The following LOXL3 variants were observed in gnomAD, a reference collection of about 807,000 sequenced individuals.
LOXL3 encodes lysyl oxidase homolog 3.
A neutral mutation model predicts 91.8 loss-of-function variants in LOXL3; 60 were observed. That is an observed-to-expected ratio of 0.65 (90% CI 0.53 to 0.81). The LOEUF is 0.81. Among genes scored for constraint, LOXL3 ranks in the 30% least tolerant of loss-of-function variants. The probability of loss-of-function intolerance (pLI) is 0.00; values close to 1 mark genes in which losing one functional copy is unlikely to be tolerated. For synonymous variants in LOXL3, 355 were observed against 387.6 expected (o/e 0.92, Z 0.99); for missense variants, 874 against 1,000.4 (o/e 0.87, Z 1.70).
At chr2:74,545,391 T>C (rs912291704) in intron 4 of LOXL3, among the ~76,000 whole-genome samples, 6 of 152,238 alleles carry the variant, frequency 3.9e-5, no homozygotes, top group African/African-American at 1.4e-4. Context: ...TATAAATACC[T>C]TTATTTGTAA....
chr2:74,544,122 G>A (rs1056204256), intron 4 of LOXL3, among the ~76,000 whole-genome samples: 1 of 151,906 alleles, frequency 6.6e-6, no homozygotes, highest in Non-Finnish European at 1.5e-5. Context: ...TGGCGAGCAT[G>A]GTGAAACCTC....
chr2:74,532,442 A>T lies in LOXL3; in HGVS notation c.*1164T>A, dbSNP rs548291848. 441 of 661,360 alleles carry T rather than the reference A, an allele frequency of 6.7e-4. No individual in the cohort carries two copies. The highest frequency in any genetic ancestry group is 1.1e-3 in the Non-Finnish European group (410 of 359,700). The allele number at this position is 661,360 out of a possible 1,614,324, so 41.0% of individuals were successfully genotyped here. Reference sequence around the variant, plus strand: ...TGCCCTCATGTGGTGTACATCTTTTATGTACATGTTGCACTTTATTGCTAG... The same window carrying T: ...TGCCCTCATGTGGTGTACATCTTTTTTGTACATGTTGCACTTTATTGCTAG... On this transcript the variant is annotated 3_prime_UTR_variant, in exon 14 of 14. Coordinates refer to ENST00000264094, the MANE Select transcript of LOXL3 (RefSeq NM_032603.5).
chr2:74,534,569 C>G lies in LOXL3; in HGVS notation c.1785G>C (p.Lys595Asn). The part of the protein sequence containing the change: ...HNLGRADFRP[K>N]AGRHSWVWHE... ...GCCACACCCAGGAGTGGCGCCCAGC[C>G]TTGGGCCTGAAGTCAGCTCGTCCCA... is the stretch of plus-strand genomic sequence containing the variant. The change falls in exon 10 of 14, where the codon AAG becomes AAC. Residue 595 changes from lysine (K) to asparagine (N), a missense_variant. Transcript: ENST00000264094. 6.2e-7 allele frequency: 1 copy of G among 1,614,240 alleles called. No individual in the cohort carries two copies. The highest frequency in any genetic ancestry group is 1.3e-5 in the African/African-American group (1 of 75,070).
chr2:74,533,310 G>A lies in LOXL3; in HGVS notation c.*296C>T, dbSNP rs1427573383. 1 of 530,868 alleles carries A rather than the reference G, an allele frequency of 1.9e-6. No individual in the cohort carries two copies. Among genetic ancestry groups the A allele is most frequent in the Non-Finnish European group, 3.3e-6 (1 of 298,664 alleles). 32.9% of individuals were successfully genotyped at this position (530,868 alleles called of 1,614,324 possible). A position where few individuals can be genotyped will look rare whatever the true frequency, so the allele number is the denominator to read the frequency against. On this transcript the variant is annotated 3_prime_UTR_variant, in exon 14 of 14. Transcript: ENST00000264094. ...CCTGACCTCCTATTAAAGAAAATGA[G>A]CTGCTGCCATCTTTTGTGGGCAGTT...
chr2:74,547,669 C>T (rs1313772312), intron 4 of LOXL3, among the ~76,000 whole-genome samples: 2 of 148,432 alleles, frequency 1.3e-5, no homozygotes, highest in Non-Finnish European at 3.0e-5. Context: ...AATATCCTGA[C>T]TTTCAAAAGA....
intron 2 of LOXL3, 92 bp from the exon 3 acceptor site, chr2:74,550,440 C>CAATGT: frequency 7.4e-7 from 1 of 1,344,996 alleles, no homozygotes; most frequent in South Asian, 1.4e-5. Flanking sequence ...CTGAGGCCTC[C>CAATGT]CACTTGGCCA....
At chr2:74,552,879 A>G in intron 1 of LOXL3, 1 of 509,316 alleles carries the variant, frequency 2.0e-6, no homozygotes, top group East Asian at 3.1e-5. Flanking sequence ...GAGATAAGAG[A>G]CAACTATGAG....
intron 4 of LOXL3, among the ~76,000 whole-genome samples, chr2:74,538,722 C>T (rs1305200316): frequency 6.6e-6 from 1 of 152,194 alleles, no homozygotes; most frequent in East Asian, 1.9e-4. Flanking sequence ...TTTTTAACAA[C>T]TAATCAAATA....
upstream of LOXL3, chr2:74,555,448 T>C: frequency 6.2e-7 from 1 of 1,609,338 alleles, no homozygotes; most frequent in East Asian, 2.2e-5. This position sits in a 1 kb window ranked among gnomAD's most constrained non-coding sequence, Gnocchi z 6.1. Flanking sequence ...CCGAAACGCC[T>C]TTCCGGTGAG....
At chr2:74,547,407 T>C (rs1344247030) in intron 4 of LOXL3, among the ~76,000 whole-genome samples, 1 of 152,190 alleles carries the variant, frequency 6.6e-6, no homozygotes, top group Non-Finnish European at 1.5e-5. Flanking sequence ...TCTTCTTCAC[T>C]GGAAATGTCT....
chr2:74,533,650 T>C lies in LOXL3; in HGVS notation c.2218A>G (p.Arg740Gly). The C allele has an allele frequency of 6.2e-7, 1 of 1,613,980 alleles. No homozygotes were observed. Among genetic ancestry groups the C allele is most frequent in the Non-Finnish European group, 8.5e-7 (1 of 1,179,980 alleles). ...GTCTGGCCAGGGTAGCGTTCAAACC[T>C]CCTGTTGGCCTCTTCACTGAAGGCA... is the stretch of plus-strand genomic sequence containing the variant. ...GDAFSEEANR[R>G]FERYPGQTSN... The change falls in exon 14 of 14, where the codon AGG (arginine) becomes GGG (glycine). Residue 740 changes from arginine (R) to glycine (G), a missense_variant. Coordinates refer to ENST00000264094, the MANE Select transcript of LOXL3 (RefSeq NM_032603.5).
rs745941203 is a variant in LOXL3 at position 74,536,244 on chromosome 2, G to A, written c.1093+47C>T. On this transcript the variant is annotated intron_variant, in intron 6 of 13. Coordinates refer to ENST00000264094, the MANE Select transcript of LOXL3 (RefSeq NM_032603.5). This position sits in a 1 kb window ranked among gnomAD's most constrained non-coding sequence, Gnocchi z 4.5. ...CCTTCCGAAGGAATATGCCCCCCAG[G>A]AGCATGTACCTCCTTCCCTCTCCCT... The A allele has an allele frequency of 1.2e-6, 2 of 1,612,210 alleles. No individual in the cohort carries two copies. The highest frequency in any genetic ancestry group is 2.2e-5 in the South Asian group (2 of 91,036).
chr2:74,546,419 A>G (rs985833145), intron 4 of LOXL3, among the ~76,000 whole-genome samples: 2 of 152,114 alleles, frequency 1.3e-5, no homozygotes, highest in Admixed American at 1.3e-4. Context: ...CTGGCTTCCC[A>G]TTCTTTTCCG....
chr2:74,554,240 G>T, upstream of LOXL3: 1 of 156,310 alleles, frequency 6.4e-6, no homozygotes, highest in South Asian at 1.7e-4. This position sits in a 1 kb window ranked among gnomAD's most constrained non-coding sequence, Gnocchi z 4.9. Flanking sequence ...GCCGGGCGGC[G>T]GGGCGGCCCC....
At chr2:74,554,745 G>T (rs1296926430), upstream of LOXL3, 1 of 1,611,874 alleles carries the variant, frequency 6.2e-7, no homozygotes, top group Non-Finnish European at 8.5e-7. The surrounding 1 kb of genome is among the most constrained non-coding windows in gnomAD (Gnocchi z 4.9). Context: ...GGAAGGAACC[G>T]CCGGGGGCCA....
chr2:74,543,071 C>T (rs1048514992), intron 4 of LOXL3, among the ~76,000 whole-genome samples: 3 of 152,218 alleles, frequency 2.0e-5, no homozygotes, highest in Non-Finnish European at 4.4e-5. Flanking sequence ...CTTTCCTTGG[C>T]TGCTATAACA....
upstream of LOXL3, chr2:74,554,785 T>G: frequency 3.7e-6 from 6 of 1,614,128 alleles, no homozygotes; most frequent in Non-Finnish European, 5.1e-6. This position sits in a 1 kb window ranked among gnomAD's most constrained non-coding sequence, Gnocchi z 4.9. Context: ...AGGGCCGCTT[T>G]TTTTGCAGAG....
chr2:74,535,741 C>T lies in LOXL3; in HGVS notation c.1263G>A (p.Gly421=), dbSNP rs1675979162. ...CTCGCCCCTCATGTTGGCTGCGGCC[C>T]CCACTGAGTCGGATCTGTAGTGACA... ...TGAETRIRLS[G]GRSQHEGRVE... Residue 421 remains glycine, a synonymous_variant, in exon 8 of 14, where the codon GGG becomes GGA. Coordinates refer to ENST00000264094, the MANE Select transcript of LOXL3 (RefSeq NM_032603.5). The surrounding 1 kb of genome is among the most constrained non-coding windows in gnomAD (Gnocchi z 4.2). 3.8e-6 allele frequency: 6 copies of T among 1,574,850 alleles called. No homozygotes were observed. In the East Asian group the frequency reaches 1.3e-4, roughly 35 times the overall value.
In LOXL3 at chr2:74,536,248, A is replaced by G. The variant is rs749492370; in HGVS notation, c.1093+43T>C. ...CCGAAGGAATATGCCCCCCAGGAGCATGTACCTCCTTCCCTCTCCCTCCCA... is the reference window on the plus strand; with the variant it reads ...CCGAAGGAATATGCCCCCCAGGAGCGTGTACCTCCTTCCCTCTCCCTCCCA... On this transcript the variant is annotated intron_variant, in intron 6 of 13. Coordinates refer to ENST00000264094, the MANE Select transcript of LOXL3 (RefSeq NM_032603.5). The surrounding 1 kb of genome is among the most constrained non-coding windows in gnomAD (Gnocchi z 4.5). 6.2e-7 allele frequency: 1 copy of G among 1,611,810 alleles called. No homozygotes were observed. Among genetic ancestry groups the G allele is most frequent in the Non-Finnish European group, 8.5e-7 (1 of 1,179,010 alleles).
Sources: allele counts gnomAD v4.1 joint callset (sites outside exome capture counted in the v4.1 genomes callset), GRCh38; gene constraint gnomAD v4.1.1; non-coding constraint Gnocchi (gnomAD v3.1); transcripts MANE v1.5; gene names NCBI Gene and HGNC (gene_info 2026-07-23, HGNC 2026-07-21).